Variants in RPS6KA2 observed in about 807,000 individuals in gnomAD.
RPS6KA2 encodes ribosomal protein S6 kinase A2, also known as ribosomal protein S6 kinase alpha-2.
Under a neutral mutation model 91.8 loss-of-function variants are expected in RPS6KA2, and 42 were observed. The observed-to-expected ratio is 0.46, with a 90% CI of 0.36 to 0.59. The LOEUF is 0.59. Among genes scored for constraint, RPS6KA2 ranks in the 20% least tolerant of loss-of-function variants. The pLI, the probability that RPS6KA2 is intolerant of heterozygous loss-of-function variation, is 0.00. For missense variants in RPS6KA2, 798 were observed against 978.5 expected (o/e 0.82, Z 2.46); for synonymous variants, 414 against 393.6 (o/e 1.05, Z -0.61).
At chr6:166,550,080 T>A (rs1253612503) in intron 1 of RPS6KA2, among the ~76,000 whole-genome samples, 1 of 152,208 alleles carries the variant, frequency 6.6e-6, no homozygotes, top group African/African-American at 2.4e-5. Flanking sequence ...CCGTGACATT[T>A]TTACAAGGTA....
At chr6:166,795,668 C>T (rs149074516) in intron 2 of RPS6KA2, among the ~76,000 whole-genome samples, 3 of 152,336 alleles carry the variant, frequency 2.0e-5, no homozygotes, top group Non-Finnish European at 2.9e-5. Flanking sequence ...GTGAGAAAGA[C>T]GGACTCTCCC....
intron 2 of RPS6KA2, among the ~76,000 whole-genome samples, chr6:166,778,213 C>G (rs1207568990): frequency 6.6e-6 from 1 of 152,228 alleles, no homozygotes; most frequent in Non-Finnish European, 1.5e-5. Flanking sequence ...GACCTGCCTG[C>G]CTCTGTGTGG....
Position 166,767,295 on chromosome 6 carries a change from G to T in RPS6KA2, c.123+90905C>A, listed in dbSNP as rs150737231. On this transcript the variant is annotated intron_variant, in intron 2 of 21. Transcript: ENST00000503859. This position sits in a 1 kb window ranked among gnomAD's most constrained non-coding sequence, Gnocchi z 4.6. ...CCGTCTCACACGCTTCAGCTTGCAA[G>T]GCAGAGGCACGGAACGATTTGATGA... Among the ~76,000 whole-genome samples the T allele has an allele frequency of 3.4e-3, 516 of 152,300 alleles. 4 individuals carry two copies. The highest frequency in any genetic ancestry group is 0.012 in the African/African-American group (497 of 41,564).
chr6:166,750,355 C>A (rs1182107547), intron 2 of RPS6KA2, among the ~76,000 whole-genome samples: 1 of 152,136 alleles, frequency 6.6e-6, no homozygotes, highest in Non-Finnish European at 1.5e-5. Context: ...GCCTTGGAGG[C>A]CCCGAGTCAC....
chr6:166,438,067 A>G (rs1779395629), intron 14 of RPS6KA2, among the ~76,000 whole-genome samples: 1 of 152,254 alleles, frequency 6.6e-6, no homozygotes, highest in Non-Finnish European at 1.5e-5. Flanking sequence ...CGAAAGGATC[A>G]GTATCGTATT....
chr6:166,416,989 C>A (rs546438321), intron 19 of RPS6KA2, among the ~76,000 whole-genome samples: 1 of 152,364 alleles, frequency 6.6e-6, no homozygotes, highest in South Asian at 2.1e-4. Flanking sequence ...GCCCCTGACT[C>A]CTTCTCTTTC....
chr6:166,415,989 TCACCATCC>T (rs1778490280), intron 19 of RPS6KA2, among the ~76,000 whole-genome samples: 2 of 108,472 alleles, frequency 1.8e-5, no homozygotes, highest in East Asian at 3.3e-4. Flanking sequence ...ACCATCATCC[TCACCATCC>T]TCCTCCATCA....
intron 1 of RPS6KA2, among the ~76,000 whole-genome samples, chr6:166,552,519 T>A (rs764357174): frequency 2.6e-5 from 4 of 151,950 alleles, no homozygotes; most frequent in Non-Finnish European, 4.4e-5. Flanking sequence ...CAAAAGAAAT[T>A]GTATTATAAA....
At chr6:166,736,607 C>CA (rs1408033743) in intron 2 of RPS6KA2, among the ~76,000 whole-genome samples, 7 of 151,956 alleles carry the variant, frequency 4.6e-5, no homozygotes, top group African/African-American at 1.5e-4. Context: ...TTCCTGGCAA[C>CA]AAAAAACCCA....
In RPS6KA2 at chr6:166,648,491, GACAA is replaced by G. The variant is rs1413901046; in HGVS notation, c.124-109711_124-109708del. On this transcript the variant is annotated intron_variant, in intron 2 of 21. Transcript: ENST00000503859. The surrounding 1 kb of genome is among the most constrained non-coding windows in gnomAD (Gnocchi z 4.8). ...TGAGAGCAGAAGCCATGTCTCATTT[GACAA>G]ACAGGCAGCTGGCACGGGAAGGGGA... is the stretch of plus-strand genomic sequence containing the variant. Among the ~76,000 whole-genome samples the G allele has an allele frequency of 6.6e-6, 1 of 152,206 alleles. No individual in the cohort carries two copies. The highest frequency in any genetic ancestry group is 1.5e-5 in the Non-Finnish European group (1 of 68,038).
chr6:166,428,250 T>C lies in RPS6KA2; in HGVS notation c.1581+2203A>G, dbSNP rs1583119606. Among the ~76,000 whole-genome samples, 5 of 151,166 alleles carry C rather than the reference T, an allele frequency of 3.3e-5. 1 individual carries two copies. In the East Asian group the frequency reaches 9.7e-4, roughly 29 times the overall value. On this transcript the variant is annotated intron_variant, in intron 16 of 20. Coordinates refer to ENST00000265678, the MANE Select transcript of RPS6KA2 (RefSeq NM_021135.6). Reference sequence around the variant, plus strand: ...TGGTGCTGGGAAAACTGGCTAGCCATATGTAGAAAGCTGAAACTGGATCCC... The same window carrying C: ...TGGTGCTGGGAAAACTGGCTAGCCACATGTAGAAAGCTGAAACTGGATCCC...
At chr6:166,745,055 C>G (rs1421738645) in intron 2 of RPS6KA2, among the ~76,000 whole-genome samples, 1 of 151,558 alleles carries the variant, frequency 6.6e-6, no homozygotes, top group African/African-American at 2.4e-5. Context: ...GGGTTGGCTT[C>G]TAGGGGGACC....
chr6:166,747,845 A>T (rs1791069695), intron 2 of RPS6KA2, among the ~76,000 whole-genome samples: 1 of 152,198 alleles, frequency 6.6e-6, no homozygotes, highest in Admixed American at 6.5e-5. Context: ...AGGAGACAGG[A>T]TGGCACAGGG....
intron 2 of RPS6KA2, among the ~76,000 whole-genome samples, chr6:166,847,766 G>A (rs531675743): frequency 6.6e-6 from 1 of 151,976 alleles, no homozygotes; most frequent in African/African-American, 2.4e-5. Context: ...TACTCAAGAT[G>A]GATCAAAGAC....
At chr6:166,610,053 C>G (rs540115130) in intron 1 of RPS6KA2, among the ~76,000 whole-genome samples, 1 of 152,276 alleles carries the variant, frequency 6.6e-6, no homozygotes, top group African/African-American at 2.4e-5. Flanking sequence ...CTCATTATAT[C>G]TCTTGCTATT....
At chr6:166,745,127 T>C (rs1211181874) in intron 2 of RPS6KA2, among the ~76,000 whole-genome samples, 1 of 150,674 alleles carries the variant, frequency 6.6e-6, no homozygotes. Context: ...TTTCTCTGTG[T>C]GTGTCTGTGT....
intron 1 of RPS6KA2, among the ~76,000 whole-genome samples, chr6:166,606,011 C>G (rs1785939476): frequency 6.6e-6 from 1 of 152,206 alleles, no homozygotes; most frequent in African/African-American, 2.4e-5. Context: ...CAGCAAAGCA[C>G]CTTGATGAGT....
intron 2 of RPS6KA2, among the ~76,000 whole-genome samples, chr6:166,742,697 T>C (rs1466602790): frequency 1.3e-5 from 2 of 152,222 alleles, no homozygotes; most frequent in East Asian, 1.9e-4. Context: ...CCCACCAACA[T>C]GCCACACTGC....
chr6:166,595,306 C>A (rs1785501686), intron 1 of RPS6KA2, among the ~76,000 whole-genome samples: 1 of 152,232 alleles, frequency 6.6e-6, no homozygotes, highest in Non-Finnish European at 1.5e-5. Flanking sequence ...CCTGCCTCGG[C>A]CTCCCAAAGT....
Sources: gnomAD v4.1 joint callset for allele counts (sites outside exome capture counted in the v4.1 genomes callset) on GRCh38, gnomAD v4.1.1 for gene constraint, Gnocchi (gnomAD v3.1) non-coding constraint, MANE v1.5 for transcripts, NCBI Gene and HGNC (gene_info 2026-07-23, HGNC 2026-07-21) for gene names.